The following CNMD variants were observed in gnomAD, a reference collection of about 807,000 sequenced individuals.
CNMD encodes the protein chondromodulin.
Under a neutral mutation model 37.5 loss-of-function variants are expected in CNMD, and 30 were observed. The observed-to-expected ratio is 0.80, with a 90% CI of 0.60 to 1.09. The LOEUF (loss-of-function observed/expected upper bound fraction) is 1.09, where lower values mean the gene tolerates loss of function less well. Ranked by LOEUF, CNMD falls within the 50% of genes least tolerant of loss-of-function variation. The pLI is 0.00. For missense variants in CNMD, 398 were observed against 423.9 expected (o/e 0.94, Z 0.54); for synonymous variants, 167 against 148.2 (o/e 1.13, Z -0.92).
At chr13:52,703,878 TTAAA>T in intron 6 of CNMD, 68 bp from the exon 7 acceptor site, 1 of 1,371,282 alleles carries the variant, frequency 7.3e-7, no homozygotes, top group East Asian at 2.3e-5. Context: ...CATGTTATTT[TTAAA>T]TAAGATTCTG....
At chr13:52,705,829 GCT>G (rs1964165276) in intron 6 of CNMD, among the ~76,000 whole-genome samples, 1 of 152,176 alleles carries the variant, frequency 6.6e-6, no homozygotes, top group Non-Finnish European at 1.5e-5. Context: ...CTATAAAGGG[GCT>G]GATGCCCTCA....
chr13:52,734,510 C>G (rs1964724723), intron 2 of CNMD, among the ~76,000 whole-genome samples: 1 of 152,094 alleles, frequency 6.6e-6, no homozygotes, highest in Non-Finnish European at 1.5e-5. Flanking sequence ...GACGCTGCTC[C>G]TGCTCAGTGT....
intron 6 of CNMD, 36 bp from the exon 7 acceptor site, chr13:52,703,846 A>G (rs144718745): frequency 2.0e-5 from 31 of 1,566,088 alleles, no homozygotes; most frequent in Non-Finnish European, 2.5e-5. Flanking sequence ...TGATAACTGC[A>G]TAGTGGGAAG....
At chr13:52,713,345 T>C (rs1964322504) in intron 4 of CNMD, among the ~76,000 whole-genome samples, 1 of 152,190 alleles carries the variant, frequency 6.6e-6, no homozygotes, top group African/African-American at 2.4e-5. Context: ...CAAAGTATTA[T>C]TTAACATAAA....
intron 4 of CNMD, among the ~76,000 whole-genome samples, chr13:52,723,765 A>G (rs1377635699): frequency 1.3e-5 from 2 of 152,094 alleles, no homozygotes; most frequent in South Asian, 2.1e-4. Context: ...CCCTGTATCT[A>G]TTAAAAATAC....
chr13:52,707,518 G>T (rs898925611), intron 6 of CNMD, among the ~76,000 whole-genome samples: 4 of 152,144 alleles, frequency 2.6e-5, no homozygotes, highest in Non-Finnish European at 5.9e-5. Flanking sequence ...TGAGGGCACA[G>T]TCTCCTGCCT....
rs1964288977 is a variant in CNMD at position 52,711,468 on chromosome 13, T to C, written c.622+1248A>G. Among the ~76,000 whole-genome samples the C allele has an allele frequency of 3.3e-5, 5 of 152,162 alleles. 1 individual carries two copies. The South Asian group carries it at 1.0e-3, about 32-fold the overall frequency. On this transcript the variant is annotated intron_variant, in intron 5 of 6. Coordinates refer to ENST00000377962, the MANE Select transcript of CNMD (RefSeq NM_007015.3). ...CTGCCCCCTTCAGCCAGCCAGCCCC[T>C]GCTGACTGAGTTTGGAATTCTTTCT...
At chr13:52,708,151 G>A (rs569817334) in intron 6 of CNMD, among the ~76,000 whole-genome samples, 11 of 150,972 alleles carry the variant, frequency 7.3e-5, no homozygotes, top group Admixed American at 2.0e-4. Context: ...TTATATGCGC[G>A]TTTGAAACCT....
In CNMD at chr13:52,720,380, C is replaced by A. The variant is rs185033788; in HGVS notation, c.468+3617G>T. On this transcript the variant is annotated intron_variant, in intron 4 of 6. Coordinates refer to ENST00000377962, the MANE Select transcript of CNMD (RefSeq NM_007015.3). ...CCATCCAGATTTGTTCCCTTGTTGG[C>A]GAGGAGTTGTGATCCTTTGGAGGAG... 2.7e-4 allele frequency among the ~76,000 whole-genome samples: 41 copies of A among 152,054 alleles called. 2 individuals carry two copies.
intron 6 of CNMD, among the ~76,000 whole-genome samples, chr13:52,707,260 T>C (rs1328185432): frequency 2.6e-5 from 4 of 152,206 alleles, no homozygotes; most frequent in Non-Finnish European, 4.4e-5. Context: ...CCCTGAAAAG[T>C]ATAATGGTAA....
At chr13:52,706,447 G>C (rs1964175170) in intron 6 of CNMD, among the ~76,000 whole-genome samples, 1 of 152,150 alleles carries the variant, frequency 6.6e-6, no homozygotes, top group Non-Finnish European at 1.5e-5. Context: ...CTCAAGCCCT[G>C]TGCTAAAAGA....
At position 52,739,186 on chromosome 13, in the gene CNMD, G is replaced by T. The variant is rs1964838138; in HGVS notation, c.73-15C>A. ...GTAGCGTACGCCTGCGGGCCGGGGC[G>T]GGAGAGGGACCGTCGCGTTTGTGCC... On this transcript the variant is annotated splice_polypyrimidine_tract_variant and intron_variant, in intron 1 of 6. Transcript: ENST00000377962. The surrounding 1 kb of genome is among the most constrained non-coding windows in gnomAD (Gnocchi z 5.4). The T allele has an allele frequency of 1.4e-6, 2 of 1,465,142 alleles. No individual in the cohort carries two copies. The highest frequency in any genetic ancestry group is 2.0e-4 in the Middle Eastern group (1 of 4,884). 90.8% of individuals were successfully genotyped at this position (1,465,142 alleles called of 1,614,324 possible).
At position 52,712,735 on chromosome 13, in the gene CNMD, A is replaced by C; in HGVS notation, c.603T>G (p.Leu201=). 6.5e-7 allele frequency: 1 copy of C among 1,528,776 alleles called. No homozygotes were observed. 94.7% of individuals were successfully genotyped at this position (1,528,776 alleles called of 1,614,324 possible). The part of the protein sequence containing the change: ...ELCGDLPIFW[L]KPTYPKEIQR... ...TGTTACCTTTTGGATAGGTTGGTTT[A>C]AGCCAGAAAATAGGAAGGTCACCGC... The change falls in exon 5 of 7, where the codon CTT becomes CTG. Residue 201 remains leucine, a synonymous_variant. Transcript: ENST00000377962.
At chr13:52,724,148 G>C in intron 3 of CNMD, 38 bp from the exon 4 acceptor site, 1 of 1,458,828 alleles carries the variant, frequency 6.9e-7, no homozygotes. Flanking sequence ...CTATCCATTT[G>C]TTCATTTATT....
chr13:52,708,345 C>T (rs1964227536), intron 6 of CNMD, among the ~76,000 whole-genome samples, 191 bp downstream of exon 6: 1 of 152,006 alleles, frequency 6.6e-6, no homozygotes, highest in African/African-American at 2.4e-5. Flanking sequence ...CCATGCCTGG[C>T]TAATTTTTTG....
At chr13:52,733,651 G>A (rs1964711919) in intron 2 of CNMD, 1 of 441,740 alleles carries the variant, frequency 2.3e-6, no homozygotes, top group South Asian at 2.0e-5. Context: ...TAGACTCTCT[G>A]GGTACCATGC....
chr13:52,724,007 G>A lies in CNMD; in HGVS notation c.458C>T (p.Ser153Phe). The change falls in exon 4 of 7, where the codon TCC (serine) becomes TTC (phenylalanine). Residue 153 changes from serine (S) to phenylalanine (F), a missense_variant. Ser to Phe is a radical substitution (Grantham distance 155). Transcript: ENST00000377962. ...EVGAVTKQSISSKLEGKIMPV... is the reference protein window; with the variant it reads ...EVGAVTKQSIFSKLEGKIMPV... ...CATGTTGGTACCCACCAGTTTGGAG[G>A]AGATGCTCTGTTTGGTCACGGCGCC... is the stretch of plus-strand genomic sequence containing the variant. 1 of 1,609,712 alleles carries A rather than the reference G, an allele frequency of 6.2e-7. No individual in the cohort carries two copies. Among genetic ancestry groups the A allele is most frequent in the Non-Finnish European group, 8.5e-7 (1 of 1,175,984 alleles).
At chr13:52,723,844 G>A (rs145696621) in intron 4 of CNMD, among the ~76,000 whole-genome samples, 153 bp downstream of exon 4, 73 of 152,174 alleles carry the variant, frequency 4.8e-4, no homozygotes, top group Non-Finnish European at 5.9e-4. Context: ...CAGGAGAATC[G>A]GATGCAGTGA....
chr13:52,739,030 C>A lies in CNMD; in HGVS notation c.213+1G>T, dbSNP rs1263774470. 1.3e-6 allele frequency: 2 copies of A among 1,576,670 alleles called. No homozygotes were observed. The highest frequency in any genetic ancestry group is 1.7e-6 in the Non-Finnish European group (2 of 1,165,132). On this transcript the variant is annotated splice_donor_variant, in intron 2 of 6. Coordinates refer to ENST00000377962, the MANE Select transcript of CNMD (RefSeq NM_007015.3). LOFTEE classifies it high-confidence loss of function. This position sits in a 1 kb window ranked among gnomAD's most constrained non-coding sequence, Gnocchi z 5.4. ...CCCCGCGCGCCGCCCTCTGGACTTA[C>A]GTGACTGTCGCTCCCCTTCCAGAAG...
Sources: allele counts gnomAD v4.1 joint callset (sites outside exome capture counted in the v4.1 genomes callset), GRCh38; gene constraint gnomAD v4.1.1; non-coding constraint Gnocchi (gnomAD v3.1); transcripts MANE v1.5; gene names NCBI Gene and HGNC (gene_info 2026-07-23, HGNC 2026-07-21).